The following SH3RF2 variants were observed in gnomAD, a reference collection of about 807,000 sequenced individuals.
SH3RF2 encodes E3 ubiquitin-protein ligase SH3RF2.
A neutral mutation model predicts 59.0 loss-of-function variants in SH3RF2; 43 were observed. That is an observed-to-expected ratio of 0.73 (90% confidence interval 0.57 to 0.94). The LOEUF is 0.94. SH3RF2 is among the 40% of genes least tolerant of loss of function. The pLI, the probability that SH3RF2 is intolerant of heterozygous loss-of-function variation, is 0.00. For missense variants in SH3RF2, 930 were observed against 940.1 expected (o/e 0.99, Z 0.14); for synonymous variants, 391 against 391.5 (o/e 1.00, Z 0.01).
rs576738659 is a variant in SH3RF2 at position 145,988,754 on chromosome 5, C to T, written c.379-11304C>T. Among the ~76,000 whole-genome samples, 34 of 152,304 alleles carry T rather than the reference C, an allele frequency of 2.2e-4. 1 individual carries two copies. The South Asian group carries it at 6.6e-3, about 30-fold the overall frequency. On this transcript the variant is annotated intron_variant, in intron 2 of 9. Coordinates refer to ENST00000359120, the MANE Select transcript of SH3RF2 (RefSeq NM_152550.4). ...AGATCACTGTGAGCTTTCTGCTGAT[C>T]TCAAGCACCCAGAAGTGGATCATCT...
At chr5:146,017,373 G>GAA (rs56152305) in intron 5 of SH3RF2, among the ~76,000 whole-genome samples, 50,707 of 151,814 alleles carry the variant, frequency 0.33, 8,926 homozygotes, top group Non-Finnish European at 0.38. Flanking sequence ...CCTCTTTGGG[G>GAA]AGTCACATGT....
At chr5:145,962,173 T>C (rs950722051) in intron 2 of SH3RF2, among the ~76,000 whole-genome samples, 1 of 152,156 alleles carries the variant, frequency 6.6e-6, no homozygotes, top group Non-Finnish European at 1.5e-5. Context: ...AATAGTCTGA[T>C]TGGTTGGACC....
intron 2 of SH3RF2, among the ~76,000 whole-genome samples, chr5:145,975,432 A>G (rs1759251654): frequency 6.6e-6 from 1 of 152,244 alleles, no homozygotes; most frequent in Non-Finnish European, 1.5e-5. Context: ...CTCCTCATGC[A>G]GACACAAGGT....
At chr5:145,968,695 AT>A (rs1758956349) in intron 2 of SH3RF2, among the ~76,000 whole-genome samples, 1 of 152,220 alleles carries the variant, frequency 6.6e-6, no homozygotes, top group Non-Finnish European at 1.5e-5. Flanking sequence ...CTATTGAGAT[AT>A]TTTACATTTT....
chr5:146,076,673 A>C (rs945039053), intron 9 of SH3RF2, among the ~76,000 whole-genome samples: 2 of 152,188 alleles, frequency 1.3e-5, no homozygotes, highest in Non-Finnish European at 2.9e-5. Context: ...ACATTAGCTA[A>C]TGAGGAAGTG....
chr5:146,007,360 C>A (rs946846200), intron 4 of SH3RF2, among the ~76,000 whole-genome samples: 1 of 152,058 alleles, frequency 6.6e-6, no homozygotes, highest in African/African-American at 2.4e-5. Context: ...CAGAGGCAGG[C>A]GTAGAGGAGA....
Position 146,054,110 on chromosome 5 carries a change from C to G in SH3RF2, c.1323-1871C>G, listed in dbSNP as rs148891855. ...TAATGTCTGCAGGTCTGGGGGTGTCCTGGGGGTTAATATATGATAGCAAAG... is the reference window on the plus strand; with the variant it reads ...TAATGTCTGCAGGTCTGGGGGTGTCGTGGGGGTTAATATATGATAGCAAAG... On this transcript the variant is annotated intron_variant, in intron 7 of 9. Transcript: ENST00000359120. 2.0e-5 allele frequency among the ~76,000 whole-genome samples: 3 copies of G among 152,096 alleles called. No individual in the cohort carries two copies. In the East Asian group the frequency reaches 5.8e-4, roughly 29 times the overall value.
chr5:145,997,603 A>C, intron 2 of SH3RF2: 2 of 1,602,362 alleles, frequency 1.2e-6, no homozygotes, highest in Middle Eastern at 3.5e-4. Flanking sequence ...AAAGGTTTTA[A>C]GTTTAAGAAA....
chr5:146,011,000 T>G (rs1162390688), intron 4 of SH3RF2, among the ~76,000 whole-genome samples: 2 of 152,210 alleles, frequency 1.3e-5, no homozygotes, highest in African/African-American at 4.8e-5. Flanking sequence ...TTCTAGGGTT[T>G]TTATGGTTTT....
chr5:146,021,329 TATG>T (rs1349032501), intron 5 of SH3RF2, among the ~76,000 whole-genome samples: 1 of 152,328 alleles, frequency 6.6e-6, no homozygotes, highest in South Asian at 2.1e-4. Flanking sequence ...TTTATAGTCT[TATG>T]ATGATATCTC....
intron 2 of SH3RF2, among the ~76,000 whole-genome samples, chr5:145,987,351 C>A (rs982760457): frequency 1.3e-5 from 2 of 152,080 alleles, no homozygotes; most frequent in Non-Finnish European, 2.9e-5. Context: ...ACCCTTCCCC[C>A]GAAGCCCCCA....
chr5:145,944,808 C>A (rs1164714951), intron 2 of SH3RF2, among the ~76,000 whole-genome samples: 1 of 152,100 alleles, frequency 6.6e-6, no homozygotes, highest in Admixed American at 6.5e-5. Flanking sequence ...GTCCATGGAA[C>A]AAAATTTGAG....
chr5:146,064,788 G>GAAAGGAAGGAAGGA (rs201977965), downstream of SH3RF2, among the ~76,000 whole-genome samples: 1 of 18,566 alleles, frequency 5.4e-5, no homozygotes. Flanking sequence ...AGGAAGGAAG[G>GAAAGGAAGGAAGGA]AAGGAAGGAA....
At chr5:146,046,006 GT>G (rs1443793618) in intron 5 of SH3RF2, among the ~76,000 whole-genome samples, 1 of 152,232 alleles carries the variant, frequency 6.6e-6, no homozygotes, top group Admixed American at 6.5e-5. Flanking sequence ...GACTAAAGTG[GT>G]TTTTTGATCC....
chr5:145,997,786 C>A, intron 2 of SH3RF2: 2 of 1,560,796 alleles, frequency 1.3e-6, no homozygotes, highest in Non-Finnish European at 1.8e-6. Flanking sequence ...ACTCCCTAAA[C>A]CTAAAGAAAA....
At chr5:146,049,659 C>A (rs1490436864) in intron 7 of SH3RF2, among the ~76,000 whole-genome samples, 2 of 152,040 alleles carry the variant, frequency 1.3e-5, no homozygotes, top group African/African-American at 4.8e-5. Context: ...AGATGACTTC[C>A]CCAGAGCACC....
intron 2 of SH3RF2, among the ~76,000 whole-genome samples, chr5:145,963,524 G>C (rs921170937): frequency 6.6e-6 from 1 of 152,162 alleles, no homozygotes; most frequent in Non-Finnish European, 1.5e-5. Flanking sequence ...GATTAGCTGA[G>C]TGAGGGATGA....
intron 5 of SH3RF2, among the ~76,000 whole-genome samples, chr5:146,025,840 C>T (rs1476977893): frequency 6.6e-6 from 1 of 152,196 alleles, no homozygotes; most frequent in Non-Finnish European, 1.5e-5. Flanking sequence ...AACTAAATGA[C>T]ATTGAAATTA....
intron 2 of SH3RF2, among the ~76,000 whole-genome samples, chr5:145,954,814 G>T (rs955018491): frequency 6.6e-6 from 1 of 152,110 alleles, no homozygotes; most frequent in African/African-American, 2.4e-5. Flanking sequence ...TACAATCATG[G>T]CAGAAGGCAA....
Sources: allele counts gnomAD v4.1 joint callset (sites outside exome capture counted in the v4.1 genomes callset), GRCh38; gene constraint gnomAD v4.1.1; transcripts MANE v1.5; gene names NCBI Gene and HGNC (gene_info 2026-07-23, HGNC 2026-07-21).